The following FAF1 variants were observed in gnomAD, a reference collection of about 807,000 sequenced individuals.
FAF1 encodes the protein Fas associated factor 1.
FAF1 carries 25 observed loss-of-function variants against 92.5 expected under a neutral mutation model. That is an observed-to-expected ratio of 0.27 (90% CI 0.20 to 0.38). The LOEUF (loss-of-function observed/expected upper bound fraction) is 0.38. FAF1 is among the 10% of genes least tolerant of loss of function. The pLI, the probability that FAF1 is intolerant of heterozygous loss-of-function variation, is 1.00. For synonymous variants in FAF1, 234 were observed against 273.2 expected, an observed-to-expected ratio of 0.86 and a Z score of 1.42; for missense variants, 636 against 793.3, an observed-to-expected ratio of 0.80 and a Z score of 2.38.
chr1:50,517,663 C>T, intron 15 of FAF1, among the ~76,000 whole-genome samples: 1 of 152,196 alleles, frequency 6.6e-6, no homozygotes, highest in South Asian at 2.1e-4. Flanking sequence ...ACACCAATGG[C>T]TGCAGTCTAT....
chr1:50,447,415 G>A (rs12073684), intron 18 of FAF1, among the ~76,000 whole-genome samples: 1,814 of 152,218 alleles, frequency 0.012, 36 homozygotes, highest in African/African-American at 0.041. Flanking sequence ...GTGAGCCACC[G>A]CGCCTGGCCT....
At chr1:50,485,857 G>A (rs1415166217) in intron 17 of FAF1, among the ~76,000 whole-genome samples, 2 of 151,976 alleles carry the variant, frequency 1.3e-5, no homozygotes, top group African/African-American at 4.8e-5. Flanking sequence ...CATGGTGGCA[G>A]GGGAGAGAGA....
chr1:50,739,350 A>G (rs1458137980), intron 5 of FAF1, among the ~76,000 whole-genome samples: 3 of 151,678 alleles, frequency 2.0e-5, no homozygotes, highest in Admixed American at 6.6e-5. Context: ...ATGCATATAC[A>G]TGTGTACATG....
chr1:50,452,214 C>T (rs1018663955), intron 18 of FAF1: 1 of 1,253,370 alleles, frequency 8.0e-7, no homozygotes, highest in African/African-American at 1.6e-5. Flanking sequence ...TAATTTCAAG[C>T]AAATAAAAGA....
Position 50,956,373 on chromosome 1 carries a change from A to G in FAF1, c.45+3394T>C, listed in dbSNP as rs7515155. The stretch of plus-strand genomic sequence containing the variant: ...TATTGACTTGAAATAGTCAAAAAAA[A>G]ATACAAAAATCCTTCTCAAAGGTTT... On this transcript the variant is annotated intron_variant, in intron 1 of 18. Transcript: ENST00000396153. Among the ~76,000 whole-genome samples the G allele has an allele frequency of 6.6e-3, 1,005 of 152,342 alleles. 10 individuals are homozygous for G. Among genetic ancestry groups the G allele is most frequent in the African/African-American group, 0.023 (954 of 41,574 alleles).
rs948590199 is a variant in FAF1, at chr1:50,437,257, G to A, written c.*4183C>T. ...AAAATACGGATTGATAAAAAGAATG[G>A]ACAGATTCTTCTCCCCAAATAGGAT... On this transcript the variant is annotated 3_prime_UTR_variant, in exon 19 of 19. Coordinates refer to ENST00000396153, the MANE Select transcript of FAF1 (RefSeq NM_007051.3). The A allele has an allele frequency of 6.6e-6, 1 of 152,124 alleles. No individual in the cohort carries two copies. Among genetic ancestry groups the A allele is most frequent in the Non-Finnish European group, 1.5e-5 (1 of 68,020 alleles). The allele number at this position is 152,124 out of a possible 1,614,324, so 9.4% of individuals were successfully genotyped here. A position where few individuals can be genotyped will look rare whatever the true frequency, so the allele number is the denominator to read the frequency against.
chr1:50,900,642 A>G (rs1346820590), intron 1 of FAF1, among the ~76,000 whole-genome samples: 2 of 152,186 alleles, frequency 1.3e-5, no homozygotes, highest in Non-Finnish European at 2.9e-5. Context: ...GTGAAAACTA[A>G]ATGAGATAAA....
chr1:50,470,145 G>A (rs1010894923), intron 18 of FAF1, among the ~76,000 whole-genome samples: 24 of 152,166 alleles, frequency 1.6e-4, no homozygotes, highest in South Asian at 6.2e-4. Flanking sequence ...ATTACCATAG[G>A]AAGGTTTTTG....
intron 2 of FAF1, among the ~76,000 whole-genome samples, chr1:50,840,971 T>C (rs1207256890): frequency 6.6e-6 from 1 of 152,006 alleles, no homozygotes; most frequent in Non-Finnish European, 1.5e-5. Context: ...TGCCACATAC[T>C]ACTGAGTCTG....
intron 4 of FAF1, among the ~76,000 whole-genome samples, chr1:50,766,791 C>CAAA (rs765570305): frequency 8.6e-4 from 53 of 61,880 alleles, no homozygotes; most frequent in South Asian, 3.2e-3. Context: ...AGCAAGCAAG[C>CAAA]AAAAAAAAAA....
chr1:50,496,591 G>C (rs577745726), intron 15 of FAF1, among the ~76,000 whole-genome samples: 2 of 152,250 alleles, frequency 1.3e-5, no homozygotes, highest in South Asian at 4.1e-4. Context: ...AGGTGAGGAG[G>C]TGTAAAAGTT....
At chr1:50,637,712 TGC>T (rs1553123425) in intron 8 of FAF1, among the ~76,000 whole-genome samples, 8 of 150,658 alleles carry the variant, frequency 5.3e-5, no homozygotes, top group African/African-American at 1.2e-4. Context: ...TGTGTGTGTG[TGC>T]GTGTGCATAT....
chr1:50,903,828 G>A (rs1266119853), intron 1 of FAF1, among the ~76,000 whole-genome samples: 1 of 152,122 alleles, frequency 6.6e-6, no homozygotes, highest in Non-Finnish European at 1.5e-5. Context: ...CTAGTCTCCT[G>A]CTGGCTTGGT....
intron 1 of FAF1, among the ~76,000 whole-genome samples, chr1:50,953,934 A>G (rs1000642730): frequency 1.2e-4 from 16 of 130,280 alleles, no homozygotes; most frequent in African/African-American, 4.8e-4. Context: ...AATGGAACTA[A>G]ATTCAGAAAG....
intron 4 of FAF1, among the ~76,000 whole-genome samples, chr1:50,778,816 C>T (rs1414761440): frequency 6.6e-6 from 1 of 151,296 alleles, no homozygotes; most frequent in Non-Finnish European, 1.5e-5. Flanking sequence ...CAAGACCATC[C>T]CTTAAAAAAA....
At chr1:50,641,068 A>G (rs1407874451) in intron 8 of FAF1, among the ~76,000 whole-genome samples, 1 of 151,970 alleles carries the variant, frequency 6.6e-6, no homozygotes. Context: ...TCTTGACCTC[A>G]TGATCCACCT....
chr1:50,558,052 C>T (rs1359087863), intron 13 of FAF1, among the ~76,000 whole-genome samples: 1 of 151,966 alleles, frequency 6.6e-6, no homozygotes, highest in Non-Finnish European at 1.5e-5. Context: ...GCATGTGCCA[C>T]CATGCCAGGC....
chr1:50,776,025 T>C (rs1044883947), intron 4 of FAF1, among the ~76,000 whole-genome samples: 9 of 152,254 alleles, frequency 5.9e-5, no homozygotes, highest in African/African-American at 1.9e-4. Flanking sequence ...CAGGTAGATA[T>C]CATATAATAA....
In FAF1 at chr1:50,521,022, C is replaced by T. The variant is rs562935933; in HGVS notation, c.1494+14347G>A. 2.6e-5 allele frequency among the ~76,000 whole-genome samples: 4 copies of T among 152,276 alleles called. No individual in the cohort carries two copies. In the South Asian group the frequency reaches 8.3e-4, roughly 32 times the overall value. On this transcript the variant is annotated intron_variant, in intron 15 of 18. Transcript: ENST00000396153. ...TTAAAGAACAGGACTGGCACTCATACTGTTTTTTATATATTAATTCATTAT... is the reference window on the plus strand; with the variant it reads ...TTAAAGAACAGGACTGGCACTCATATTGTTTTTTATATATTAATTCATTAT...
Sources: allele counts gnomAD v4.1 joint callset (sites outside exome capture counted in the v4.1 genomes callset), GRCh38; gene constraint gnomAD v4.1.1; transcripts MANE v1.5; gene names NCBI Gene and HGNC (gene_info 2026-07-23, HGNC 2026-07-21).